The following ACAD10 variants were observed in gnomAD, a reference collection of about 807,000 sequenced individuals.
ACAD10 encodes ACAD-10.
In ACAD10, 112 loss-of-function variants were observed where a neutral mutation model predicts 116.8. The ratio of observed to expected loss-of-function variants is 0.96; its 90% CI spans 0.82 to 1.12. The LOEUF (loss-of-function observed/expected upper bound fraction) is 1.12, where lower values mean the gene tolerates loss of function less well. ACAD10 is among the 50% of genes most tolerant of loss of function. The pLI is 0.00. For synonymous variants in ACAD10, 486 were observed against 510.6 expected, an observed-to-expected ratio of 0.95 and a Z score of 0.65; for missense variants, 1,259 against 1,350.2, an observed-to-expected ratio of 0.93 and a Z score of 1.06.
At chr12:111,745,189 C>T in intron 13 of ACAD10, 146 bp downstream of exon 13, 1 of 927,420 alleles carries the variant, frequency 1.1e-6, no homozygotes, top group Non-Finnish European at 1.6e-6. Flanking sequence ...TCAGAAAGAG[C>T]CAGCTCTTCA....
At chr12:111,695,441 A>T (rs907019364) in intron 2 of ACAD10, among the ~76,000 whole-genome samples, 3 of 152,150 alleles carry the variant, frequency 2.0e-5, no homozygotes, top group African/African-American at 7.2e-5. Flanking sequence ...CTGGATAGCC[A>T]ATTCCCATTA....
chr12:111,732,833 T>C (rs988781314), intron 10 of ACAD10, among the ~76,000 whole-genome samples: 1 of 152,230 alleles, frequency 6.6e-6, no homozygotes, highest in Non-Finnish European at 1.5e-5. Context: ...TTATTGCTAC[T>C]CTACAACAAA....
In ACAD10 at chr12:111,736,914, C is replaced by T. The variant is rs759612346; in HGVS notation, c.1624C>T (p.Pro542Ser). Reference sequence around the variant, plus strand: ...GATGTACTGTCTCCAAATGGGGCTCCCTCCCACTGAGAACTGGAACTTCTA... The same window carrying T: ...GATGTACTGTCTCCAAATGGGGCTCTCTCCCACTGAGAACTGGAACTTCTA... The part of the protein sequence containing the change: ...FRMYCLQMGL[P>S]PTENWNFYMA... Residue 542 changes from proline to serine, a missense_variant, in exon 12 of 21, where the codon CCT becomes TCT. By Grantham distance (74) the Pro-to-Ser change is moderately conservative. Transcript: ENST00000313698. 4.3e-6 allele frequency: 7 copies of T among 1,614,108 alleles called. No individual in the cohort carries two copies. In the South Asian group the frequency reaches 6.6e-5, roughly 15 times the overall value.
chr12:111,693,027 G>A (rs1323747448), intron 2 of ACAD10, 131 bp downstream of exon 2: 1 of 1,016,934 alleles, frequency 9.8e-7, no homozygotes. Flanking sequence ...CTCTCGAGTC[G>A]AATTCCAAGC....
chr12:111,753,276 C>T (rs1430502833), intron 18 of ACAD10: 7 of 317,798 alleles, frequency 2.2e-5, no homozygotes, highest in African/African-American at 6.5e-5. Context: ...CCACCCACGG[C>T]GGAAGGCCGG....
intron 11 of ACAD10, among the ~76,000 whole-genome samples, chr12:111,736,193 T>G (rs902608847): frequency 6.7e-6 from 1 of 149,098 alleles, no homozygotes; most frequent in African/African-American, 2.5e-5. Context: ...TTGTTTTTTT[T>G]TTTTTTTTTT....
At position 111,692,721 on chromosome 12, in the gene ACAD10, G is replaced by T. The variant is rs538251618; in HGVS notation, c.12G>T (p.Arg4Ser). ...GCCTCAGCCTCACCATGTGTGTCAGGAGCTGTTTCCAGTCCCCCCGTCTCC... is the reference window on the plus strand; with the variant it reads ...GCCTCAGCCTCACCATGTGTGTCAGTAGCTGTTTCCAGTCCCCCCGTCTCC... MCVRSCFQSPRLQW... is the reference protein window; with the variant it reads MCVSSCFQSPRLQW... The change falls in exon 2 of 21, where the codon AGG (arginine) becomes AGT (serine). Residue 4 changes from arginine (R) to serine (S), a missense_variant. By Grantham distance (110) the Arg-to-Ser change is moderately radical. Transcript: ENST00000313698. The T allele has an allele frequency of 2.5e-6, 4 of 1,613,802 alleles. No individual in the cohort carries two copies. The highest frequency in any genetic ancestry group is 2.2e-5 in the South Asian group (2 of 91,050).
At chr12:111,689,378 T>C (rs953783900) in intron 1 of ACAD10, among the ~76,000 whole-genome samples, 2 of 152,052 alleles carry the variant, frequency 1.3e-5, no homozygotes, top group Non-Finnish European at 2.9e-5. Context: ...TTTTTGTTTG[T>C]TTTTGAGATG....
chr12:111,715,809 T>G lies in ACAD10; in HGVS notation c.851-12T>G. The G allele has an allele frequency of 6.2e-7, 1 of 1,614,190 alleles. No homozygotes were observed. The highest frequency in any genetic ancestry group is 8.5e-7 in the Non-Finnish European group (1 of 1,180,022). ...GGGCTGGTTTGAGTTTTCTTTGTTTTCAAACTTGCAGGCCCATTGGAACTA... is the reference window on the plus strand; with the variant it reads ...GGGCTGGTTTGAGTTTTCTTTGTTTGCAAACTTGCAGGCCCATTGGAACTA... On this transcript the variant is annotated splice_polypyrimidine_tract_variant and intron_variant, in intron 6 of 20. Coordinates refer to ENST00000313698, the MANE Select transcript of ACAD10 (RefSeq NM_025247.6).
rs2135998484 is a variant in ACAD10 at position 111,756,662 on chromosome 12, T to C, written c.*189T>C. The stretch of plus-strand genomic sequence containing the variant: ...AGACGTCTCTGCAAGAAGCCTGGAG[T>C]CTGTTTCAGGCCAGGAGGAGGGGAT... On this transcript the variant is annotated 3_prime_UTR_variant, in exon 21 of 21. Coordinates refer to ENST00000313698, the MANE Select transcript of ACAD10 (RefSeq NM_025247.6). 3.0e-6 allele frequency: 3 copies of C among 984,158 alleles called. No individual in the cohort carries two copies. In the South Asian group the frequency reaches 4.1e-5, roughly 14 times the overall value. The allele number at this position is 984,158 out of a possible 1,614,324, so 61.0% of individuals were successfully genotyped here.
chr12:111,709,500 A>C, intron 4 of ACAD10, 26 bp from the exon 5 acceptor site: 1 of 1,512,304 alleles, frequency 6.6e-7, no homozygotes, highest in South Asian at 1.3e-5. Context: ...CGGGACATTC[A>C]TCTCTCATTC....
Position 111,718,048 on chromosome 12 carries a change from T to C in ACAD10, c.992+2086T>C. On this transcript the variant is annotated intron_variant, in intron 7 of 20. Transcript: ENST00000313698. ...CTATAGTGATATCCTTTTTTTTTTT[T>C]TTTTTTTTTTTTTTTTTTTGAAATG... Among the ~76,000 whole-genome samples, 4 of 128,056 alleles carry C rather than the reference T, an allele frequency of 3.1e-5. No homozygotes were observed. In the South Asian group the frequency reaches 1.0e-3, roughly 34 times the overall value. The allele number at this position is 128,056 out of a possible 152,430, so 84.0% of individuals were successfully genotyped here.
At chr12:111,736,118 T>C in intron 11 of ACAD10, among the ~76,000 whole-genome samples, 1 of 151,394 alleles carries the variant, frequency 6.6e-6, no homozygotes, top group Non-Finnish European at 1.5e-5. Flanking sequence ...TGACCTCAAA[T>C]GATCTGCCCT....
chr12:111,728,167 A>G (rs1889279252), intron 9 of ACAD10, 24 bp downstream of exon 9: 1 of 1,568,920 alleles, frequency 6.4e-7, no homozygotes, highest in Non-Finnish European at 8.6e-7. Context: ...CACGTCTCCC[A>G]TGCTGGTTGT....
At chr12:111,745,091 C>T (rs1311942100) in intron 13 of ACAD10, 48 bp downstream of exon 13, 2 of 1,561,226 alleles carry the variant, frequency 1.3e-6, no homozygotes, top group Non-Finnish European at 1.7e-6. Context: ...CATGGCATAC[C>T]CTCCCCGACC....
intron 12 of ACAD10, among the ~76,000 whole-genome samples, chr12:111,744,112 G>A (rs1249174926): frequency 2.0e-5 from 3 of 152,152 alleles, no homozygotes; most frequent in Non-Finnish European, 4.4e-5. Flanking sequence ...CATTTTACAA[G>A]AAGAAAGAGA....
chr12:111,748,210 C>T (rs1889970684), intron 16 of ACAD10, 107 bp from the exon 17 acceptor site: 2 of 1,385,742 alleles, frequency 1.4e-6, no homozygotes, highest in East Asian at 2.3e-5. Flanking sequence ...CCTTAAAGAG[C>T]TCTGTCTGCT....
intron 1 of ACAD10, among the ~76,000 whole-genome samples, chr12:111,687,349 AT>A (rs1285858081): frequency 6.6e-6 from 1 of 152,030 alleles, no homozygotes; most frequent in Non-Finnish European, 1.5e-5. Context: ...GGTCCTGATT[AT>A]TCTTTTTTGT....
intron 11 of ACAD10, among the ~76,000 whole-genome samples, chr12:111,736,551 AC>A (rs1331609137): frequency 6.6e-6 from 1 of 152,034 alleles, no homozygotes; most frequent in Non-Finnish European, 1.5e-5. Flanking sequence ...ATATGCATCC[AC>A]CCTTAACTGT....
Sources: allele counts gnomAD v4.1 joint callset (sites outside exome capture counted in the v4.1 genomes callset), GRCh38; gene constraint gnomAD v4.1.1; transcripts MANE v1.5; gene names NCBI Gene and HGNC (gene_info 2026-07-23, HGNC 2026-07-21).